The following SLC9A9 variants were observed in gnomAD, a reference collection of about 807,000 sequenced individuals.
SLC9A9 encodes solute carrier family 9 member A9.
In SLC9A9, 62 loss-of-function variants were observed where a neutral mutation model predicts 77.8. That is an observed-to-expected ratio of 0.80 (90% CI 0.65 to 0.98). The LOEUF (loss-of-function observed/expected upper bound fraction) is 0.98. Ranked by LOEUF, SLC9A9 falls within the 50% of genes least tolerant of loss-of-function variation. The pLI is 0.00. For synonymous variants in SLC9A9, 320 were observed against 283.5 expected (o/e 1.13, Z -1.29); for missense variants, 775 against 774.9 (o/e 1.00, Z 0.00).
chr3:143,725,418 T>A (rs1479550215), intron 4 of SLC9A9, among the ~76,000 whole-genome samples: 1 of 152,038 alleles, frequency 6.6e-6, no homozygotes, highest in Non-Finnish European at 1.5e-5. Flanking sequence ...ATCATTCTGC[T>A]ATAAAGACAC....
intron 15 of SLC9A9, among the ~76,000 whole-genome samples, chr3:143,268,642 A>AGAAT (rs1277641857): frequency 1.4e-5 from 2 of 147,472 alleles, no homozygotes; most frequent in South Asian, 4.5e-4. Context: ...CCGAGGCAGG[A>AGAAT]GAATGGCATG....
intron 6 of SLC9A9, among the ~76,000 whole-genome samples, chr3:143,622,727 C>T (rs2038242248): frequency 6.6e-6 from 1 of 152,162 alleles, no homozygotes; most frequent in Non-Finnish European, 1.5e-5. Flanking sequence ...AAATAACCAG[C>T]TAACATCACA....
rs530230561 is a variant in SLC9A9 at position 143,306,837 on chromosome 3, T to G, written c.1605-37857A>C. 5.9e-5 allele frequency among the ~76,000 whole-genome samples: 9 copies of G among 152,316 alleles called. No homozygotes were observed. The East Asian group carries it at 1.7e-3, about 29-fold the overall frequency. Reference sequence around the variant, plus strand: ...AAACTCACTCCTACACTCTCTGGTATTTTCTCTTCTCAGCCCTGTCTTTCC... The same window carrying G: ...AAACTCACTCCTACACTCTCTGGTAGTTTCTCTTCTCAGCCCTGTCTTTCC... On this transcript the variant is annotated intron_variant, in intron 14 of 15. Transcript: ENST00000316549.
At chr3:143,460,149 A>G (rs1463808453) in intron 12 of SLC9A9, among the ~76,000 whole-genome samples, 1 of 152,122 alleles carries the variant, frequency 6.6e-6, no homozygotes, top group African/African-American at 2.4e-5. Context: ...TAAATTGTCT[A>G]TGAGTCCAGG....
intron 13 of SLC9A9, among the ~76,000 whole-genome samples, chr3:143,370,451 A>C (rs1329037818): frequency 6.6e-6 from 1 of 152,156 alleles, no homozygotes; most frequent in African/African-American, 2.4e-5. Flanking sequence ...GAGGAAGTTC[A>C]CAGCATCTCA....
chr3:143,639,101 T>C (rs892847862), intron 6 of SLC9A9, among the ~76,000 whole-genome samples: 6 of 152,228 alleles, frequency 3.9e-5, no homozygotes, highest in Non-Finnish European at 7.3e-5. Flanking sequence ...AATATGTCTT[T>C]GGATGAAAAA....
chr3:143,374,373 C>A (rs1315202765), intron 13 of SLC9A9, among the ~76,000 whole-genome samples: 2 of 137,194 alleles, frequency 1.5e-5, no homozygotes, highest in African/African-American at 5.4e-5. Context: ...TGCAGTGAGC[C>A]AAGATCGCAC....
intron 14 of SLC9A9, among the ~76,000 whole-genome samples, chr3:143,340,118 C>T (rs2032053056): frequency 6.6e-6 from 1 of 152,180 alleles, no homozygotes; most frequent in Non-Finnish European, 1.5e-5. Context: ...TTATACCACG[C>T]TTCATCTCCT....
intron 14 of SLC9A9, among the ~76,000 whole-genome samples, chr3:143,323,616 G>A (rs1029776384): frequency 6.6e-6 from 1 of 152,082 alleles, no homozygotes; most frequent in Admixed American, 6.6e-5. Flanking sequence ...CTTAAAGGGT[G>A]CAAAGATACA....
intron 6 of SLC9A9, among the ~76,000 whole-genome samples, chr3:143,601,975 G>A (rs759488393): frequency 2.0e-5 from 3 of 151,840 alleles, no homozygotes; most frequent in Non-Finnish European, 4.4e-5. Flanking sequence ...GACTTGCTCT[G>A]CAGTTCCTGG....
intron 12 of SLC9A9, among the ~76,000 whole-genome samples, chr3:143,441,621 T>C (rs2034736206): frequency 6.6e-6 from 1 of 152,106 alleles, no homozygotes; most frequent in South Asian, 2.1e-4. Context: ...ACTTTTTTTT[T>C]TTTCCAGAAG....
At chr3:143,826,875 G>A (rs76558559) in intron 2 of SLC9A9, among the ~76,000 whole-genome samples, 3,011 of 152,042 alleles carry the variant, frequency 0.02, 89 homozygotes, top group African/African-American at 0.062. Flanking sequence ...AGACCATACT[G>A]TCCTGTTCTG....
rs912710896 is a variant in SLC9A9, at chr3:143,631,509, C to G, written c.755+20746G>C. Among the ~76,000 whole-genome samples the G allele has an allele frequency of 2.0e-5, 3 of 152,124 alleles. No homozygotes were observed. The East Asian group carries it at 5.8e-4, about 29-fold the overall frequency. ...CAAATTTCCACAGGGGTTGGGCAGG[C>G]AATGTGAGTGAGGAAAGTCTCACTC... On this transcript the variant is annotated intron_variant, in intron 6 of 15. Transcript: ENST00000316549.
At chr3:143,479,337 C>G (rs1559933686) in intron 11 of SLC9A9, among the ~76,000 whole-genome samples, 1 of 152,242 alleles carries the variant, frequency 6.6e-6, no homozygotes, top group East Asian at 1.9e-4. Context: ...GCCTCCCACT[C>G]CTGGGTTCAA....
At chr3:143,357,590 T>C (rs1031202025) in intron 14 of SLC9A9, among the ~76,000 whole-genome samples, 4 of 152,128 alleles carry the variant, frequency 2.6e-5, no homozygotes, top group Non-Finnish European at 4.4e-5. Context: ...ATCACACTTA[T>C]GTTAAAGCTA....
intron 9 of SLC9A9, among the ~76,000 whole-genome samples, chr3:143,520,587 A>G (rs1172755007): frequency 6.6e-6 from 1 of 152,226 alleles, no homozygotes; most frequent in African/African-American, 2.4e-5. Context: ...ACACACAAAC[A>G]CATAACTCAT....
chr3:143,328,419 G>T (rs1005315435), intron 14 of SLC9A9, among the ~76,000 whole-genome samples: 5 of 152,182 alleles, frequency 3.3e-5, no homozygotes, highest in African/African-American at 4.8e-5. Context: ...ACTGTGAATA[G>T]CCTGAAAACA....
At chr3:143,304,481 A>C (rs1224922611) in intron 14 of SLC9A9, among the ~76,000 whole-genome samples, 9 of 152,228 alleles carry the variant, frequency 5.9e-5, no homozygotes. Context: ...CAAGAGAGGC[A>C]CTTTGGAATA....
intron 4 of SLC9A9, among the ~76,000 whole-genome samples, chr3:143,791,457 T>A (rs2008221225): frequency 6.6e-6 from 1 of 152,222 alleles, no homozygotes; most frequent in South Asian, 2.1e-4. Flanking sequence ...GTTTCATTCA[T>A]GTTCCACAAT....
Sources: gnomAD v4.1 joint callset for allele counts (sites outside exome capture counted in the v4.1 genomes callset) on GRCh38, gnomAD v4.1.1 for gene constraint, MANE v1.5 for transcripts, NCBI Gene and HGNC (gene_info 2026-07-23, HGNC 2026-07-21) for gene names.